SMARCC1: variants seen among roughly 807,000 people sequenced by gnomAD.
SMARCC1 encodes the protein SWI/SNF complex subunit SMARCC1.
Under a neutral mutation model 147.4 loss-of-function variants are expected in SMARCC1, and 43 were observed. The observed-to-expected ratio is 0.29, with a 90% CI of 0.23 to 0.38. The LOEUF is 0.38. Among genes scored for constraint, SMARCC1 ranks in the 10% least tolerant of loss-of-function variants. The pLI is 1.00. For missense variants in SMARCC1, 1,119 were observed against 1,381.1 expected, an observed-to-expected ratio of 0.81 and a Z score of 3.01; for synonymous variants, 495 against 484.4, an observed-to-expected ratio of 1.02 and a Z score of -0.29.
At chr3:47,668,116 A>C (rs2033446733) in intron 19 of SMARCC1, among the ~76,000 whole-genome samples, 1 of 152,134 alleles carries the variant, frequency 6.6e-6, no homozygotes, top group Non-Finnish European at 1.5e-5. Flanking sequence ...TGGCTCCATT[A>C]TCTCTCTTTC....
At chr3:47,612,979 CT>C (rs1330464500) in intron 25 of SMARCC1, among the ~76,000 whole-genome samples, 1 of 152,164 alleles carries the variant, frequency 6.6e-6, no homozygotes, top group Non-Finnish European at 1.5e-5. Context: ...TTTTCTTGTT[CT>C]AGATACCTTA....
chr3:47,697,596 C>G (rs1559648049), intron 11 of SMARCC1, among the ~76,000 whole-genome samples: 1 of 150,662 alleles, frequency 6.6e-6, no homozygotes, highest in African/African-American at 2.4e-5. Context: ...GCCACTGCAC[C>G]TGGCCTTGAC....
At chr3:47,665,216 A>G (rs1470593326) in intron 19 of SMARCC1, among the ~76,000 whole-genome samples, 1 of 152,196 alleles carries the variant, frequency 6.6e-6, no homozygotes, top group Non-Finnish European at 1.5e-5. Flanking sequence ...TCAAAACCCA[A>G]GCCAGCAAAT....
At chr3:47,673,405 G>GGGGGC (rs2033529314) in intron 18 of SMARCC1, among the ~76,000 whole-genome samples, 1 of 128,250 alleles carries the variant, frequency 7.8e-6, no homozygotes, top group East Asian at 2.8e-4. Flanking sequence ...AGGGTGGGGG[G>GGGGGC]GGGGCAGGCC....
chr3:47,590,644 C>A lies in SMARCC1; in HGVS notation c.3220+17G>T. The A allele has an allele frequency of 3.3e-6, 5 of 1,495,606 alleles. No individual in the cohort carries two copies. Among genetic ancestry groups the A allele is most frequent in the Non-Finnish European group, 4.4e-6 (5 of 1,127,648 alleles). 92.6% of individuals were successfully genotyped at this position (1,495,606 alleles called of 1,614,324 possible). On this transcript the variant is annotated intron_variant, in intron 27 of 27. Coordinates refer to ENST00000254480, the MANE Select transcript of SMARCC1 (RefSeq NM_003074.4). ...AACGGACCCTGAGATAATGCATCCC[C>A]CCTCCATGTTACTTACACATGCCGT...
rs531363408 is a variant in SMARCC1, at chr3:47,759,451, T to C, written c.315+13366A>G. On this transcript the variant is annotated intron_variant, in intron 2 of 27. Transcript: ENST00000254480. ...GCCTGGCCAACATGGTGAAACCCCG[T>C]CTCTACTAAAAATACAAAAATTAGC... Among the ~76,000 whole-genome samples the C allele has an allele frequency of 4.0e-5, 6 of 149,952 alleles. No homozygotes were observed. The East Asian group carries it at 1.2e-3, about 30-fold the overall frequency.
intron 2 of SMARCC1, among the ~76,000 whole-genome samples, chr3:47,763,218 C>T (rs1267157031): frequency 6.6e-6 from 1 of 151,054 alleles, no homozygotes; most frequent in Non-Finnish European, 1.5e-5. Context: ...CACTTTGTTG[C>T]CCAGGCTAGT....
At chr3:47,698,714 C>T (rs1386896738) in intron 11 of SMARCC1, among the ~76,000 whole-genome samples, 2 of 151,882 alleles carry the variant, frequency 1.3e-5, no homozygotes, top group East Asian at 1.9e-4. Flanking sequence ...CTAAAACTTA[C>T]ATGGAAAACC....
At chr3:47,754,962 G>A (rs1319293056) in intron 2 of SMARCC1, among the ~76,000 whole-genome samples, 1 of 152,212 alleles carries the variant, frequency 6.6e-6, no homozygotes, top group Non-Finnish European at 1.5e-5. Context: ...AGAATCGCTT[G>A]AACCCAGGAG....
Position 47,650,154 on chromosome 3 carries a change from T to C in SMARCC1, c.2320+11140A>G, listed in dbSNP as rs376683135. On this transcript the variant is annotated intron_variant, in intron 21 of 27. Coordinates refer to ENST00000254480, the MANE Select transcript of SMARCC1 (RefSeq NM_003074.4). ...AGCCAGGCATGGTGGTGGGCGCCTG[T>C]AGTCCCAGCTACTTGGGAGGCTGAG... is the stretch of plus-strand genomic sequence containing the variant. 4.1e-4 allele frequency among the ~76,000 whole-genome samples: 62 copies of C among 151,820 alleles called. 1 individual carries two copies. The South Asian group carries it at 8.3e-3, about 20-fold the overall frequency.
At chr3:47,646,401 A>C (rs2033121809) in intron 21 of SMARCC1, among the ~76,000 whole-genome samples, 1 of 152,166 alleles carries the variant, frequency 6.6e-6, no homozygotes, top group South Asian at 2.1e-4. Flanking sequence ...ATCCTTCCCC[A>C]AAAATGTGTA....
chr3:47,701,671 G>A (rs1158942292), intron 10 of SMARCC1: 24 of 344,380 alleles, frequency 7.0e-5, no homozygotes, highest in Non-Finnish European at 1.1e-4. Context: ...AAAATAAGCC[G>A]GGCATGGTGG....
At chr3:47,746,091 A>G (rs911853109) in intron 2 of SMARCC1, 98 bp from the exon 3 acceptor site, 18 of 689,204 alleles carry the variant, frequency 2.6e-5, no homozygotes, top group Non-Finnish European at 4.0e-5. Flanking sequence ...ATATAAACAA[A>G]TACTAATTAA....
intron 26 of SMARCC1, among the ~76,000 whole-genome samples, chr3:47,593,272 A>T (rs2032215728): frequency 6.6e-6 from 1 of 151,930 alleles, no homozygotes; most frequent in African/African-American, 2.4e-5. Context: ...CCTGGGTTCA[A>T]GCAATTCTTC....
chr3:47,601,273 T>C (rs928710814), intron 26 of SMARCC1, among the ~76,000 whole-genome samples: 1 of 151,978 alleles, frequency 6.6e-6, no homozygotes, highest in African/African-American at 2.4e-5. Flanking sequence ...TGACACTTAA[T>C]GGAATATTAG....
At chr3:47,681,652 T>C (rs1442526448) in intron 14 of SMARCC1, among the ~76,000 whole-genome samples, 5 of 152,192 alleles carry the variant, frequency 3.3e-5, no homozygotes, top group Admixed American at 3.3e-4. Flanking sequence ...GGGAATATAA[T>C]TCAAATTATT....
intron 26 of SMARCC1, among the ~76,000 whole-genome samples, chr3:47,606,979 T>C (rs1431475249): frequency 6.6e-6 from 1 of 151,750 alleles, no homozygotes; most frequent in Non-Finnish European, 1.5e-5. Context: ...CCTCGCAAAG[T>C]GCTGGGATTA....
Position 47,595,488 on chromosome 3 carries a change from T to C in SMARCC1, c.3044-4651A>G, listed in dbSNP as rs191629645. ...GTTGCAGTGAGCCGAGAATGAGCCA[T>C]TGCACTCCAGCCTGGGCAACAAGAG... On this transcript the variant is annotated intron_variant, in intron 26 of 27. Transcript: ENST00000254480. Among the ~76,000 whole-genome samples, 14 of 151,640 alleles carry C rather than the reference T, an allele frequency of 9.2e-5. No homozygotes were observed. The East Asian group carries it at 2.4e-3, about 25-fold the overall frequency.
chr3:47,662,335 C>G lies in SMARCC1; in HGVS notation c.2157G>C (p.Leu719Phe). ...RVASAAAKAA[L>F]EEFSRVREEV... The stretch of plus-strand genomic sequence containing the variant: ...GAGATGGTTTAGGGAAGTCCATACC[C>G]AAAGCCGCTTTTGCTGCAGCAGATG... The change falls in exon 20 of 28, where the codon TTG (leucine) becomes TTC (phenylalanine). Residue 719 changes from leucine (L) to phenylalanine (F), a missense_variant and splice_region_variant. Physicochemically the swap from Leu to Phe is conservative, Grantham distance 22 (BLOSUM62 0). Transcript: ENST00000254480. 1 of 1,613,750 alleles carries G rather than the reference C, an allele frequency of 6.2e-7. No homozygotes were observed. The highest frequency in any genetic ancestry group is 1.1e-5 in the South Asian group (1 of 91,022).
Sources: allele counts gnomAD v4.1 joint callset (sites outside exome capture counted in the v4.1 genomes callset), GRCh38; gene constraint gnomAD v4.1.1; transcripts MANE v1.5; gene names NCBI Gene and HGNC (gene_info 2026-07-23, HGNC 2026-07-21).